The following MDFIC2 variants were observed in gnomAD, a reference collection of about 807,000 sequenced individuals.
MDFIC2 encodes myoD family inhibitor domain-containing protein 2.
At chr3:70,202,828 G>A (rs1701254333) in intron 3 of MDFIC2, among the ~76,000 whole-genome samples, 1 of 152,098 alleles carries the variant, frequency 6.6e-6, no homozygotes, top group Non-Finnish European at 1.5e-5. Flanking sequence ...TACAACTGGG[G>A]ACTGGCTAAT....
chr3:70,199,385 A>G (rs1701212775), intron 3 of MDFIC2, among the ~76,000 whole-genome samples: 1 of 152,148 alleles, frequency 6.6e-6, no homozygotes, highest in African/African-American at 2.4e-5. Flanking sequence ...CAAAAGAAAA[A>G]AAAAAGTTTT....
rs79390130 is a variant in MDFIC2 at position 70,247,283 on chromosome 3, T to C, written c.89-40493A>G. ...AGATGCAAGGTGAAATTTGACACCT[T>C]CCTATCAGTAAGTTATAGGCTGTGT... is the stretch of plus-strand genomic sequence containing the variant. On this transcript the variant is annotated intron_variant, in intron 2 of 3. Coordinates refer to ENST00000567252, the MANE Select transcript of MDFIC2 (RefSeq NM_001364677.1). Among the ~76,000 whole-genome samples the C allele has an allele frequency of 2.4e-3, 369 of 152,096 alleles. 3 individuals carry two copies. The highest frequency in any genetic ancestry group is 8.7e-3 in the African/African-American group (361 of 41,540).
chr3:70,267,434 G>T (rs1159003168), intron 2 of MDFIC2, among the ~76,000 whole-genome samples: 1 of 113,972 alleles, frequency 8.8e-6, no homozygotes, highest in Non-Finnish European at 1.6e-5. Context: ...CGGGAGTCTC[G>T]CTCTGTCACC....
chr3:70,236,136 G>C (rs1413212331), intron 2 of MDFIC2, among the ~76,000 whole-genome samples: 1 of 152,108 alleles, frequency 6.6e-6, no homozygotes, highest in Non-Finnish European at 1.5e-5. Context: ...ATGACCTGTT[G>C]ACCTTATTCA....
At chr3:70,280,665 T>C (rs912153635) in intron 2 of MDFIC2, among the ~76,000 whole-genome samples, 1 of 152,250 alleles carries the variant, frequency 6.6e-6, no homozygotes, top group African/African-American at 2.4e-5. Flanking sequence ...AGGCTGGCCA[T>C]AGAAACTAGA....
intron 2 of MDFIC2, among the ~76,000 whole-genome samples, chr3:70,250,409 T>TCACACACACACACACACACA (rs1491108341): frequency 7.9e-6 from 1 of 126,222 alleles, no homozygotes; most frequent in Non-Finnish European, 1.7e-5. Flanking sequence ...TTTTAATGAA[T>TCACACACACACACACACACA]CTCACACACA....
At chr3:70,265,038 T>C (rs2106665091) in intron 2 of MDFIC2, among the ~76,000 whole-genome samples, 1 of 152,218 alleles carries the variant, frequency 6.6e-6, no homozygotes, top group Non-Finnish European at 1.5e-5. Flanking sequence ...CCATCAGATA[T>C]CGTGAGACTT....
chr3:70,257,437 G>A (rs980754628), intron 2 of MDFIC2, among the ~76,000 whole-genome samples: 1 of 151,926 alleles, frequency 6.6e-6, no homozygotes, highest in Non-Finnish European at 1.5e-5. Context: ...AAGAAGCAAA[G>A]AAGAATCACA....
intron 2 of MDFIC2, among the ~76,000 whole-genome samples, chr3:70,289,889 G>A (rs1377085186): frequency 2.6e-5 from 4 of 151,662 alleles, no homozygotes; most frequent in East Asian, 3.9e-4. Flanking sequence ...CGTAGTTCTC[G>A]AGCCTTGGTT....
At chr3:70,213,556 G>A (rs575540053) in intron 2 of MDFIC2, among the ~76,000 whole-genome samples, 3 of 152,104 alleles carry the variant, frequency 2.0e-5, no homozygotes, top group Non-Finnish European at 4.4e-5. Flanking sequence ...GCAGACAAGT[G>A]ACATTTCAAG....
intron 2 of MDFIC2, among the ~76,000 whole-genome samples, chr3:70,306,990 T>G (rs545722970): frequency 1.9e-4 from 29 of 152,174 alleles, no homozygotes; most frequent in African/African-American, 3.6e-4. Context: ...TATTTATATA[T>G]ATAGAGAGAG....
intron 2 of MDFIC2, among the ~76,000 whole-genome samples, chr3:70,226,200 T>A (rs1284736032): frequency 6.6e-6 from 1 of 152,192 alleles, no homozygotes; most frequent in Non-Finnish European, 1.5e-5. Context: ...TGAATCTTCA[T>A]AAAGTGCCAG....
At chr3:70,310,617 C>T (rs1463370370) in intron 2 of MDFIC2, among the ~76,000 whole-genome samples, 4 of 152,004 alleles carry the variant, frequency 2.6e-5, no homozygotes, top group African/African-American at 7.2e-5. Context: ...CCACCCGCCT[C>T]GGCCTCCCAA....
At chr3:70,246,026 A>T (rs996390141) in intron 2 of MDFIC2, among the ~76,000 whole-genome samples, 3 of 151,668 alleles carry the variant, frequency 2.0e-5, no homozygotes, top group African/African-American at 7.3e-5. Context: ...TGCATTGTTA[A>T]ATATATATAT....
At chr3:70,222,485 T>C (rs1396092034) in intron 2 of MDFIC2, among the ~76,000 whole-genome samples, 3 of 152,210 alleles carry the variant, frequency 2.0e-5, no homozygotes, top group Admixed American at 6.5e-5. Flanking sequence ...TTTGGATAGG[T>C]TGGTTTTCGG....
At chr3:70,295,765 G>T (rs1702284275) in intron 2 of MDFIC2, among the ~76,000 whole-genome samples, 1 of 152,114 alleles carries the variant, frequency 6.6e-6, no homozygotes, top group Non-Finnish European at 1.5e-5. Flanking sequence ...TTTGATCTGT[G>T]ATATCTTTTG....
At chr3:70,299,269 A>T (rs903961986) in intron 2 of MDFIC2, among the ~76,000 whole-genome samples, 6 of 152,122 alleles carry the variant, frequency 3.9e-5, no homozygotes, top group Non-Finnish European at 8.8e-5. Context: ...TCATCAAAAC[A>T]TGCTATTAAA....
intron 2 of MDFIC2, among the ~76,000 whole-genome samples, chr3:70,281,314 G>A (rs1105033): frequency 0.27 from 41,159 of 151,930 alleles, 5,637 homozygotes; most frequent in South Asian, 0.32. Flanking sequence ...AAGGCATTCA[G>A]GAACCTCCTG....
At chr3:70,251,981 C>T (rs1044607661) in intron 2 of MDFIC2, among the ~76,000 whole-genome samples, 3 of 152,154 alleles carry the variant, frequency 2.0e-5, no homozygotes, top group East Asian at 1.9e-4. Flanking sequence ...CTTCAAAACA[C>T]GTGTTAAGGA....
Sources: allele counts gnomAD v4.1 joint callset (sites outside exome capture counted in the v4.1 genomes callset), GRCh38; gene constraint gnomAD v4.1.1; transcripts MANE v1.5; gene names NCBI Gene and HGNC (gene_info 2026-07-23, HGNC 2026-07-21).